FGF10: variants seen among roughly 807,000 people sequenced by gnomAD.
FGF10 encodes the protein FGF-10.
Under a neutral mutation model 19.8 loss-of-function variants are expected in FGF10, and 2 were observed. That is an observed-to-expected ratio of 0.10 (90% CI 0.04 to 0.32). The LOEUF (loss-of-function observed/expected upper bound fraction) is 0.32, where lower values mean the gene tolerates loss of function less well. FGF10 is among the 10% of genes least tolerant of loss of function. The pLI is 1.00. For synonymous variants in FGF10, 112 were observed against 94.0 expected, an observed-to-expected ratio of 1.19 and a Z score of -1.10; for missense variants, 191 against 246.3, an observed-to-expected ratio of 0.78 and a Z score of 1.50.
rs1045800074 is a variant in FGF10 at position 44,301,736 on chromosome 5, C to G, written c.*3259G>C. Among the ~76,000 whole-genome samples, 1 of 151,732 alleles carries G rather than the reference C, an allele frequency of 6.6e-6. No homozygotes were observed. Among genetic ancestry groups the G allele is most frequent in the African/African-American group, 2.4e-5 (1 of 41,340 alleles). The stretch of plus-strand genomic sequence containing the variant: ...ACAAATGTTTGAGTAATTTTTTTTT[C>G]TGTTGTTGTTGTTTGGGGCTGTGGG... On this transcript the variant is annotated 3_prime_UTR_variant, in exon 3 of 3. Coordinates refer to ENST00000264664, the MANE Select transcript of FGF10 (RefSeq NM_004465.2).
intron 1 of FGF10, among the ~76,000 whole-genome samples, chr5:44,342,699 T>A (rs573003597): frequency 1.6e-4 from 24 of 152,038 alleles, no homozygotes; most frequent in South Asian, 6.2e-4. Flanking sequence ...TTAAAAAAAA[T>A]AAGTTGCTTG....
At chr5:44,364,974 G>T (rs1178708871) in intron 1 of FGF10, among the ~76,000 whole-genome samples, 1 of 151,832 alleles carries the variant, frequency 6.6e-6, no homozygotes, top group African/African-American at 2.4e-5. Context: ...GAGAATAAGA[G>T]ATATGAGTTA....
At chr5:44,329,332 A>C (rs1248294885) in intron 1 of FGF10, among the ~76,000 whole-genome samples, 1 of 152,052 alleles carries the variant, frequency 6.6e-6, no homozygotes, top group African/African-American at 2.4e-5. Flanking sequence ...GCATGCCACC[A>C]CACCTGGCTA....
intron 1 of FGF10, among the ~76,000 whole-genome samples, chr5:44,347,346 T>C (rs866050135): frequency 4.9e-4 from 74 of 151,638 alleles, no homozygotes; most frequent in African/African-American, 1.6e-3. Flanking sequence ...AACACTTTGG[T>C]TTTTATGTCA....
chr5:44,346,342 A>G (rs182859127), intron 1 of FGF10, among the ~76,000 whole-genome samples: 1 of 151,770 alleles, frequency 6.6e-6, no homozygotes, highest in East Asian at 1.9e-4. Flanking sequence ...AAAGTGAATT[A>G]AAAAAAACAA....
intron 1 of FGF10, among the ~76,000 whole-genome samples, chr5:44,353,078 C>T (rs931439698): frequency 1.1e-4 from 17 of 151,656 alleles, no homozygotes; most frequent in Non-Finnish European, 2.4e-4. Flanking sequence ...ATTACAGAGA[C>T]GCAACTGATT....
intron 1 of FGF10, among the ~76,000 whole-genome samples, chr5:44,371,686 G>A (rs746239131): frequency 7.9e-5 from 12 of 152,052 alleles, no homozygotes; most frequent in Non-Finnish European, 1.6e-4. Context: ...AGCAGTCAAG[G>A]TATTGTAAGC....
chr5:44,344,568 CTGTG>C (rs1166640935), intron 1 of FGF10, among the ~76,000 whole-genome samples: 1,660 of 126,842 alleles, frequency 0.013, 52 homozygotes, highest in African/African-American at 0.047. Flanking sequence ...TTTGTTTTCT[CTGTG>C]TGTGTGTGTG....
chr5:44,346,734 C>CT lies in FGF10; in HGVS notation c.326-36205dup, dbSNP rs1251190273. Among the ~76,000 whole-genome samples, 4 of 151,832 alleles carry CT rather than the reference C, an allele frequency of 2.6e-5. 1 individual carries two copies. In the East Asian group the frequency reaches 7.7e-4, roughly 29 times the overall value. On this transcript the variant is annotated intron_variant, in intron 1 of 2. Transcript: ENST00000264664. The stretch of plus-strand genomic sequence containing the variant: ...GGTCTCAAAGTAGCTCCATCTTGAA[C>CT]TTTTTGCAATAATAGAAATGTTTGA...
chr5:44,326,749 C>T (rs941860245), intron 1 of FGF10, among the ~76,000 whole-genome samples: 5 of 152,054 alleles, frequency 3.3e-5, no homozygotes, highest in Non-Finnish European at 7.4e-5. Context: ...TTACCTGATG[C>T]TGTACTACCA....
At chr5:44,311,465 G>A (rs968742690) in intron 1 of FGF10, among the ~76,000 whole-genome samples, 1 of 152,086 alleles carries the variant, frequency 6.6e-6, no homozygotes, top group Admixed American at 6.6e-5. Context: ...GAGCCAAAAT[G>A]TCTGGGTTCA....
intron 1 of FGF10, among the ~76,000 whole-genome samples, chr5:44,370,372 A>G (rs1231540663): frequency 6.6e-6 from 1 of 152,142 alleles, no homozygotes; most frequent in Non-Finnish European, 1.5e-5. Context: ...CTAGTCTCAG[A>G]TAATATAAGT....
intron 1 of FGF10, among the ~76,000 whole-genome samples, chr5:44,354,569 G>A (rs755821344): frequency 2.0e-5 from 3 of 151,272 alleles, no homozygotes; most frequent in Non-Finnish European, 4.4e-5. Flanking sequence ...AAGCATCACC[G>A]CGCAGATGTA....
chr5:44,335,494 G>C (rs1358015326), intron 1 of FGF10, among the ~76,000 whole-genome samples: 1 of 152,104 alleles, frequency 6.6e-6, no homozygotes, highest in Non-Finnish European at 1.5e-5. Flanking sequence ...CAATCATTCA[G>C]ATTTTATGTT....
intron 1 of FGF10, among the ~76,000 whole-genome samples, chr5:44,322,349 A>G (rs938152746): frequency 6.6e-6 from 1 of 152,200 alleles, no homozygotes; most frequent in African/African-American, 2.4e-5. Context: ...ATGAGTGAAC[A>G]TTGGGATTTC....
intron 1 of FGF10, among the ~76,000 whole-genome samples, chr5:44,320,479 G>A (rs548145244): frequency 7.5e-4 from 114 of 152,226 alleles, no homozygotes; most frequent in East Asian, 2.3e-3. Context: ...ATGCAACAGC[G>A]GAAGACTTCT....
intron 1 of FGF10, among the ~76,000 whole-genome samples, chr5:44,335,042 C>A (rs1306067105): frequency 6.6e-6 from 1 of 152,076 alleles, no homozygotes; most frequent in African/African-American, 2.4e-5. Context: ...TTTCCAAGTA[C>A]TTCCAGACTC....
chr5:44,337,941 G>GA (rs1001521471), intron 1 of FGF10, among the ~76,000 whole-genome samples: 22 of 149,990 alleles, frequency 1.5e-4, no homozygotes, highest in East Asian at 9.8e-4. Context: ...CTCTGTCTCA[G>GA]AAAAAAAAAT....
intron 1 of FGF10, among the ~76,000 whole-genome samples, chr5:44,315,876 T>G (rs1287016030): frequency 6.6e-6 from 1 of 152,178 alleles, no homozygotes; most frequent in Non-Finnish European, 1.5e-5. Flanking sequence ...TGGCTCTAAA[T>G]GTGGTTTTAC....
Sources: gnomAD v4.1 joint callset for allele counts (sites outside exome capture counted in the v4.1 genomes callset) on GRCh38, gnomAD v4.1.1 for gene constraint, MANE v1.5 for transcripts, NCBI Gene and HGNC (gene_info 2026-07-23, HGNC 2026-07-21) for gene names.